LRP1: variants seen among roughly 807,000 people sequenced by gnomAD.
The protein encoded by LRP1 is LDL receptor related protein 1.
In LRP1, 51 loss-of-function variants were observed where a neutral mutation model predicts 541.5. That is an observed-to-expected ratio of 0.09 (90% CI 0.08 to 0.12). The LOEUF is 0.12. Ranked by LOEUF, LRP1 falls within the 10% of genes least tolerant of loss-of-function variation. LRP1 has a pLI of 1.00. For synonymous variants in LRP1, 2,219 were observed against 2,470.8 expected (o/e 0.90, Z 3.02); for missense variants, 3,878 against 6,376.2 (o/e 0.61, Z 13.34).
chr12:57,209,951 A>T, intron 80 of LRP1, 78 bp from the exon 81 acceptor site: 1 of 1,589,568 alleles, frequency 6.3e-7, no homozygotes, highest in Non-Finnish European at 8.6e-7. Context: ...GACCTGGTGG[A>T]GAGGGGGTCA....
chr12:57,160,815 C>A, intron 12 of LRP1, 78 bp from the exon 13 acceptor site: 1 of 1,071,806 alleles, frequency 9.3e-7, no homozygotes, highest in Non-Finnish European at 1.4e-6. Flanking sequence ...TCTGGGACAG[C>A]ACTCATGGAT....
At chr12:57,161,226 T>G in intron 13 of LRP1, 111 bp downstream of exon 13, 2 of 964,836 alleles carry the variant, frequency 2.1e-6, no homozygotes, top group Non-Finnish European at 3.2e-6. Flanking sequence ...TCCAGGCCTG[T>G]GTGCCTCTAT....
chr12:57,195,295 C>T lies in LRP1; in HGVS notation c.8333C>T (p.Ser2778Phe). The T allele has an allele frequency of 1.2e-6, 2 of 1,613,976 alleles. No individual in the cohort carries two copies. Among genetic ancestry groups the T allele is most frequent in the Middle Eastern group, 1.6e-4 (1 of 6,062 alleles). Residue 2778 changes from serine (S) to phenylalanine (F), a missense_variant, in exon 52 of 89, where the codon TCC becomes TTC. Transcript: ENST00000243077. ...HCEGKTCGPS[S>F]FSCPGTHVCV... ...GAAGGCAAGACGTGCGGCCCCTCCT[C>T]CTTCTCCTGCCCTGGCACCCACGTG...
chr12:57,212,637 C>G lies in LRP1; in HGVS notation c.*82C>G. Reference sequence around the variant, plus strand: ...CTTCAGTGAGCCCCTCCCCAGCCAGCCCTTCCCTGGCCCCGCCGGATGTAT... The same window carrying G: ...CTTCAGTGAGCCCCTCCCCAGCCAGGCCTTCCCTGGCCCCGCCGGATGTAT... On this transcript the variant is annotated 3_prime_UTR_variant, in exon 89 of 89. Coordinates refer to ENST00000243077, the MANE Select transcript of LRP1 (RefSeq NM_002332.3). This position sits in a 1 kb window ranked among gnomAD's most constrained non-coding sequence, Gnocchi z 5.0. 1 of 1,397,602 alleles carries G rather than the reference C, an allele frequency of 7.2e-7. No individual in the cohort carries two copies. The highest frequency in any genetic ancestry group is 9.7e-7 in the Non-Finnish European group (1 of 1,034,678). The allele number at this position is 1,397,602 out of a possible 1,614,324, so 86.6% of individuals were successfully genotyped here.
intron 20 of LRP1, among the ~76,000 whole-genome samples, chr12:57,171,374 G>A (rs2035941685): frequency 6.6e-6 from 1 of 152,180 alleles, no homozygotes; most frequent in South Asian, 2.1e-4. Context: ...AGTGGGGATG[G>A]CATGGTCCGG....
At chr12:57,193,005 C>A in intron 45 of LRP1, 35 bp downstream of exon 45, 1 of 1,605,632 alleles carries the variant, frequency 6.2e-7, no homozygotes, top group Non-Finnish European at 8.5e-7. Flanking sequence ...TGGCGGGGAA[C>A]CCAAGCACAC....
chr12:57,139,492 C>T (rs749723221), intron 2 of LRP1, among the ~76,000 whole-genome samples: 3 of 152,146 alleles, frequency 2.0e-5, no homozygotes, highest in Non-Finnish European at 2.9e-5. Context: ...CTGGTGCCAC[C>T]TGCACCCCCA....
chr12:57,176,670 T>C (rs2036052828), intron 24 of LRP1, among the ~76,000 whole-genome samples: 1 of 152,200 alleles, frequency 6.6e-6, no homozygotes, highest in South Asian at 2.1e-4. Context: ...CAAATGTCCA[T>C]CAACGAGGGG....
At chr12:57,209,668 C>T (rs1565757338) in intron 79 of LRP1, 24 bp from the exon 80 acceptor site, 17 of 1,612,640 alleles carry the variant, frequency 1.1e-5, no homozygotes, top group Admixed American at 1.7e-5. Flanking sequence ...CTCAGGTCCC[C>T]TCTGACTCCA....
At position 57,173,336 on chromosome 12, in the gene LRP1, G is replaced by T; in HGVS notation, c.3332G>T (p.Gly1111Val). The T allele has an allele frequency of 1.2e-6, 2 of 1,613,426 alleles. No homozygotes were observed. Among genetic ancestry groups the T allele is most frequent in the Non-Finnish European group, 1.7e-6 (2 of 1,179,502 alleles). Residue 1111 changes from glycine to valine, a missense_variant, in exon 21 of 89, where the codon GGC (glycine) becomes GTC (valine). This residue lies in a region of LRP1 where 320 missense variants were observed against 547.9 expected (regional missense o/e 0.58). Coordinates refer to ENST00000243077, the MANE Select transcript of LRP1 (RefSeq NM_002332.3). This position sits in a 1 kb window ranked among gnomAD's most constrained non-coding sequence, Gnocchi z 4.7. The part of the protein sequence containing the change: ...THVCDPSVKF[G>V]CKDSARCISK... ...GTCTGCGATCCCAGTGTCAAGTTTGGCTGCAAGGACTCAGGTGAAGAGGAT... is the reference window on the plus strand; with the variant it reads ...GTCTGCGATCCCAGTGTCAAGTTTGTCTGCAAGGACTCAGGTGAAGAGGAT...
rs776196661 is a variant in LRP1, at chr12:57,205,475, C to T, written c.11460C>T (p.Pro3820=). The T allele has an allele frequency of 8.7e-6, 14 of 1,610,818 alleles. No individual in the cohort carries two copies. The East Asian group carries it at 8.9e-5, about 10-fold the overall frequency. Residue 3820 remains proline (P), a synonymous_variant, in exon 74 of 89, where the codon CCC becomes CCT. Transcript: ENST00000243077. The surrounding 1 kb of genome is among the most constrained non-coding windows in gnomAD (Gnocchi z 4.6). ...RSGFHTVPGQ[P]GCQDINECLR... is the part of the protein sequence containing the mutation. ...GCTTCCACACCGTGCCCGGCCAGCC[C>T]GGATGCCAAGGTAGGAAAGCGGGGC...
intron 1 of LRP1, among the ~76,000 whole-genome samples, chr12:57,134,174 C>G (rs2035102407): frequency 6.6e-6 from 1 of 152,204 alleles, no homozygotes; most frequent in South Asian, 2.1e-4. Context: ...GCATGGCAGT[C>G]ACATTCATCT....
Position 57,175,497 on chromosome 12 carries a change from C to T in LRP1, c.3585C>T (p.Asn1195=), listed in dbSNP as rs753357470. ...CSLNNGGCSH[N]CSVAPGEGIV... is the part of the protein sequence containing the mutation. ...TGAATAACGGTGGCTGCAGCCACAA[C>T]TGCTCAGTGGCACCTGGCGAAGGCA... is the stretch of plus-strand genomic sequence containing the variant. The change falls in exon 23 of 89, where the codon AAC becomes AAT. Residue 1195 remains asparagine (N), a synonymous_variant. Coordinates refer to ENST00000243077, the MANE Select transcript of LRP1 (RefSeq NM_002332.3). 1.2e-6 allele frequency: 2 copies of T among 1,613,974 alleles called. No homozygotes were observed. The highest frequency in any genetic ancestry group is 3.3e-5 in the Admixed American group (2 of 60,036).
Position 57,196,194 on chromosome 12 carries a change from C to T in LRP1, c.8809C>T (p.Arg2937Cys), listed in dbSNP as rs906985142. ...TGACTGTGGCGACAGCTCGGACGAG[C>T]GTGGCTGCCACATCAATGAGTGTCT... ...QDDCGDSSDE[R>C]GCHINECLSR... Residue 2937 changes from arginine to cysteine, a missense_variant, in exon 55 of 89, where the codon CGT (arginine) becomes TGT (cysteine). This residue lies in a region of LRP1 where 1,100 missense variants were observed against 1,827.4 expected (regional missense o/e 0.60). Coordinates refer to ENST00000243077, the MANE Select transcript of LRP1 (RefSeq NM_002332.3). 13 of 1,611,202 alleles carry T rather than the reference C, an allele frequency of 8.1e-6. No homozygotes were observed. The highest frequency in any genetic ancestry group is 1.1e-5 in the Non-Finnish European group (13 of 1,179,210).
chr12:57,197,370 A>G lies in LRP1; in HGVS notation c.9148A>G (p.Thr3050Ala). The stretch of plus-strand genomic sequence containing the variant: ...GCTCAACCTGGACGGGTCCAACTAC[A>G]CGTTACTTAAGCAGGTACCAAACCC... Reference protein sequence around the residue: ...RKLNLDGSNYTLLKQGLNNAV... With the variant: ...RKLNLDGSNYALLKQGLNNAV... The change falls in exon 57 of 89, where the codon ACG becomes GCG. Residue 3050 changes from threonine to alanine, a missense_variant. By Grantham distance (58) the Thr-to-Ala change is moderately conservative. Coordinates refer to ENST00000243077, the MANE Select transcript of LRP1 (RefSeq NM_002332.3). The surrounding 1 kb of genome is among the most constrained non-coding windows in gnomAD (Gnocchi z 4.5). 1 of 1,613,014 alleles carries G rather than the reference A, an allele frequency of 6.2e-7. No homozygotes were observed. The highest frequency in any genetic ancestry group is 8.5e-7 in the Non-Finnish European group (1 of 1,179,362).
At position 57,205,643 on chromosome 12, in the gene LRP1, C is replaced by T. The variant is rs1166603814; in HGVS notation, c.11556C>T (p.Asn3852=). Residue 3852 remains asparagine, a synonymous_variant, in exon 75 of 89, where the codon AAC becomes AAT. Coordinates refer to ENST00000243077, the MANE Select transcript of LRP1 (RefSeq NM_002332.3). This position sits in a 1 kb window ranked among gnomAD's most constrained non-coding sequence, Gnocchi z 4.6. ...KGGHLCSCAR[N]FMKTHNTCKA... is the part of the protein sequence containing the mutation. Reference sequence around the variant, plus strand: ...GCCACCTCTGCAGCTGCGCTCGGAACTTCATGAAGACGCACAACACCTGCA... The same window carrying T: ...GCCACCTCTGCAGCTGCGCTCGGAATTTCATGAAGACGCACAACACCTGCA... 6.2e-7 allele frequency: 1 copy of T among 1,613,010 alleles called. No homozygotes were observed. The highest frequency in any genetic ancestry group is 8.5e-7 in the Non-Finnish European group (1 of 1,180,026).
intron 1 of LRP1, among the ~76,000 whole-genome samples, chr12:57,129,349 G>A (rs3741580): frequency 0.35 from 53,556 of 151,786 alleles, 10,594 homozygotes; most frequent in African/African-American, 0.53. Context: ...GAGGGCCTCC[G>A]CCTCCCCTAC....
At chr12:57,192,440 G>A (rs982516849) in intron 44 of LRP1, among the ~76,000 whole-genome samples, 2 of 152,124 alleles carry the variant, frequency 1.3e-5, no homozygotes, top group African/African-American at 4.8e-5. Context: ...ACAGCCGAGA[G>A]CCTGGGTGCA....
intron 50 of LRP1, 59 bp downstream of exon 50, chr12:57,194,758 T>TC (rs1366949662): frequency 2.1e-5 from 31 of 1,510,040 alleles, no homozygotes; most frequent in Non-Finnish European, 2.4e-5. Flanking sequence ...CACTTCTTAG[T>TC]CCCCCCCAGC....
Sources: gnomAD v4.1 joint callset for allele counts (sites outside exome capture counted in the v4.1 genomes callset) on GRCh38, gnomAD v4.1.1 for gene constraint, gnomAD v4.1.1 regional missense constraint, Gnocchi (gnomAD v3.1) non-coding constraint, MANE v1.5 for transcripts, NCBI Gene and HGNC (gene_info 2026-07-23, HGNC 2026-07-21) for gene names.